AADACL2: variants seen among roughly 807,000 people sequenced by gnomAD.
AADACL2 encodes the protein arylacetamide deacetylase like 2, also known as arylacetamide deacetylase-like 2.
A neutral mutation model predicts 22.3 loss-of-function variants in AADACL2; 23 were observed. The observed-to-expected ratio is 1.03, with a 90% confidence interval of 0.74 to 1.46. The LOEUF (loss-of-function observed/expected upper bound fraction) is 1.46. AADACL2 is among the 40% of genes most tolerant of loss of function. The pLI is 0.00. For synonymous variants in AADACL2, 177 were observed against 166.2 expected, an observed-to-expected ratio of 1.07 and a Z score of -0.50; for missense variants, 472 against 482.9, an observed-to-expected ratio of 0.98 and a Z score of 0.21.
At chr3:151,735,060 T>C (rs893197929) in intron 1 of AADACL2, among the ~76,000 whole-genome samples, 6 of 152,208 alleles carry the variant, frequency 3.9e-5, no homozygotes. Flanking sequence ...GCAAACAGTA[T>C]ATTTGCTTTG....
chr3:151,757,171 C>T lies in AADACL2; in HGVS notation c.783C>T (p.Pro261=), dbSNP rs781641281. ...SLYFTKDEAL[P]WAMRRNQHMP... ...ATTTCACCAAGGATGAAGCACTTCC[C>T]TGGGCAATGAGAAGAAACCAACACA... The change falls in exon 5 of 5, where the codon CCC becomes CCT. Residue 261 remains proline (P), a synonymous_variant. Coordinates refer to ENST00000356517, the MANE Select transcript of AADACL2 (RefSeq NM_207365.4). The T allele has an allele frequency of 6.2e-7, 1 of 1,613,416 alleles. No individual in the cohort carries two copies. The highest frequency in any genetic ancestry group is 8.5e-7 in the Non-Finnish European group (1 of 1,179,668).
rs182229734 is a variant in AADACL2, at chr3:151,761,144, G to T, written c.*3550G>T. On this transcript the variant is annotated 3_prime_UTR_variant, in exon 5 of 5. Coordinates refer to ENST00000356517, the MANE Select transcript of AADACL2 (RefSeq NM_207365.4). ...TGAGATATATATTTATATATGGTGAGATATATATATATATGGTGAGATATA... is the reference window on the plus strand; with the variant it reads ...TGAGATATATATTTATATATGGTGATATATATATATATATGGTGAGATATA... 2.0e-4 allele frequency: 18 copies of T among 89,316 alleles called. 1 individual carries two copies. Among genetic ancestry groups the T allele is most frequent in the African/African-American group, 8.3e-4 (16 of 19,204 alleles). 5.5% of individuals were successfully genotyped at this position (89,316 alleles called of 1,614,324 possible).
chr3:151,753,268 C>A (rs998529599), intron 4 of AADACL2, among the ~76,000 whole-genome samples: 2 of 152,064 alleles, frequency 1.3e-5, no homozygotes, highest in African/African-American at 4.8e-5. Context: ...CACTGTGAGT[C>A]CTGCACTTCT....
intron 3 of AADACL2, 38 bp from the exon 4 acceptor site, chr3:151,745,471 G>T (rs1713408194): frequency 6.3e-7 from 1 of 1,587,072 alleles, no homozygotes; most frequent in Non-Finnish European, 8.6e-7. Context: ...TAGATGGACA[G>T]ATACAACCAT....
At position 151,756,216 on chromosome 3, in the gene AADACL2, G is replaced by A. The variant is rs566757650; in HGVS notation, c.604-776G>A. Among the ~76,000 whole-genome samples, 189 of 152,216 alleles carry A rather than the reference G, an allele frequency of 1.2e-3. 1 individual carries two copies. Among genetic ancestry groups the A allele is most frequent in the African/African-American group, 4.4e-3 (181 of 41,550 alleles). ...GGAGATTAATTCAACGTTATCTCCT[G>A]CAGTCTGCAGGGTCATAGGTGAGAC... On this transcript the variant is annotated intron_variant, in intron 4 of 4. Transcript: ENST00000356517.
rs942243732 is a variant in AADACL2 at position 151,758,210 on chromosome 3, T to C, written c.*616T>C. The stretch of plus-strand genomic sequence containing the variant: ...GGTGCTCTTTGCCTCTTTTAACCTC[T>C]GGTGGCTGCCAGTATTCTTTGACTA... On this transcript the variant is annotated 3_prime_UTR_variant, in exon 5 of 5. Coordinates refer to ENST00000356517, the MANE Select transcript of AADACL2 (RefSeq NM_207365.4). 5 of 152,196 alleles carry C rather than the reference T, an allele frequency of 3.3e-5. No individual in the cohort carries two copies. Among genetic ancestry groups the C allele is most frequent in the African/African-American group, 1.2e-4 (5 of 41,448 alleles). 9.4% of individuals were successfully genotyped at this position (152,196 alleles called of 1,614,324 possible).
chr3:151,752,675 A>G (rs1177034945), intron 4 of AADACL2, among the ~76,000 whole-genome samples: 1 of 152,204 alleles, frequency 6.6e-6, no homozygotes, highest in East Asian at 1.9e-4. Context: ...ATTTAGGATC[A>G]GAGATATTCT....
intron 4 of AADACL2, among the ~76,000 whole-genome samples, chr3:151,753,052 GTGA>G (rs1262562186): frequency 1.3e-5 from 2 of 152,014 alleles, no homozygotes; most frequent in Non-Finnish European, 2.9e-5. Context: ...ATAATTAATG[GTGA>G]TGATTTTTAG....
chr3:151,738,104 T>G (rs1713155393), intron 1 of AADACL2, among the ~76,000 whole-genome samples: 1 of 152,166 alleles, frequency 6.6e-6, no homozygotes, highest in Non-Finnish European at 1.5e-5. Context: ...GTTTTTCTTT[T>G]CCATATTTAT....
At chr3:151,750,759 AT>A (rs1713636752) in intron 4 of AADACL2, among the ~76,000 whole-genome samples, 3 of 152,188 alleles carry the variant, frequency 2.0e-5, no homozygotes, top group Admixed American at 1.3e-4. Context: ...ATACATACAT[AT>A]TTTTATATAC....
At chr3:151,745,976 T>A (rs1449173866) in intron 4 of AADACL2, among the ~76,000 whole-genome samples, 1 of 152,160 alleles carries the variant, frequency 6.6e-6, no homozygotes, top group Admixed American at 6.5e-5. Context: ...ATCTTATCAA[T>A]TTTTAAAAAG....
chr3:151,741,694 T>C (rs1713282341), intron 2 of AADACL2, among the ~76,000 whole-genome samples: 1 of 152,164 alleles, frequency 6.6e-6, no homozygotes, highest in Non-Finnish European at 1.5e-5. Context: ...TCCAAAGAAA[T>C]GCATTCATTC....
chr3:151,752,452 T>C (rs977641005), intron 4 of AADACL2, among the ~76,000 whole-genome samples: 1 of 152,214 alleles, frequency 6.6e-6, no homozygotes, highest in Non-Finnish European at 1.5e-5. Context: ...TATTGCTAGA[T>C]TTCCTGGCAA....
intron 4 of AADACL2, among the ~76,000 whole-genome samples, chr3:151,752,446 G>A (rs1385048799): frequency 6.6e-6 from 1 of 152,072 alleles, no homozygotes; most frequent in Admixed American, 6.5e-5. Context: ...ACCTATTATT[G>A]CTAGATTTCC....
At chr3:151,752,973 T>C (rs1019877458) in intron 4 of AADACL2, among the ~76,000 whole-genome samples, 1 of 152,192 alleles carries the variant, frequency 6.6e-6, no homozygotes, top group African/African-American at 2.4e-5. Context: ...ATATTACATA[T>C]GTGACACTTC....
At chr3:151,745,722 G>T (rs751499953) in intron 4 of AADACL2, 42 bp downstream of exon 4, 5 of 1,526,486 alleles carry the variant, frequency 3.3e-6, no homozygotes, top group Admixed American at 4.6e-5. Flanking sequence ...AGAAATTGAG[G>T]CTCATTTTTT....
intron 1 of AADACL2, among the ~76,000 whole-genome samples, chr3:151,737,952 C>T (rs1218465140): frequency 6.6e-6 from 1 of 152,044 alleles, no homozygotes; most frequent in Non-Finnish European, 1.5e-5. Context: ...AACCCATTTA[C>T]ATTTAAAGTA....
intron 4 of AADACL2, among the ~76,000 whole-genome samples, chr3:151,754,139 C>T (rs1713783795): frequency 6.6e-6 from 1 of 152,024 alleles, no homozygotes; most frequent in South Asian, 2.1e-4. Flanking sequence ...ACTTTGTTAC[C>T]AGCTTCCTTT....
intron 1 of AADACL2, among the ~76,000 whole-genome samples, chr3:151,739,705 C>T (rs1303011715): frequency 6.6e-6 from 1 of 152,156 alleles, no homozygotes; most frequent in African/African-American, 2.4e-5. Context: ...TTCAGAGATG[C>T]CCTGTCAAGT....
Sources: allele counts gnomAD v4.1 joint callset (sites outside exome capture counted in the v4.1 genomes callset), GRCh38; gene constraint gnomAD v4.1.1; transcripts MANE v1.5; gene names NCBI Gene and HGNC (gene_info 2026-07-23, HGNC 2026-07-21).